Variants in TMEM209 observed in about 807,000 individuals in gnomAD.
TMEM209 encodes testicular tissue protein Li 202.
A neutral mutation model predicts 76.2 loss-of-function variants in TMEM209; 65 were observed. The ratio of observed to expected loss-of-function variants is 0.85; its 90% CI spans 0.70 to 1.05. TMEM209 has a LOEUF of 1.05. Ranked by LOEUF, TMEM209 falls within the 50% of genes least tolerant of loss-of-function variation. The pLI, the probability that TMEM209 is intolerant of heterozygous loss-of-function variation, is 0.00. For synonymous variants in TMEM209, 239 were observed against 237.6 expected, an observed-to-expected ratio of 1.01 and a Z score of -0.06; for missense variants, 623 against 685.5, an observed-to-expected ratio of 0.91 and a Z score of 1.02.
At chr7:130,194,387 G>A (rs1407403777) in intron 5 of TMEM209, among the ~76,000 whole-genome samples, 1 of 150,364 alleles carries the variant, frequency 6.7e-6, no homozygotes, top group African/African-American at 2.4e-5. Flanking sequence ...AGGCTATGGT[G>A]AGCCACGACT....
chr7:130,199,286 C>A (rs970006854), intron 5 of TMEM209, among the ~76,000 whole-genome samples: 1 of 151,858 alleles, frequency 6.6e-6, no homozygotes, highest in Non-Finnish European at 1.5e-5. Context: ...CGAGCCATCT[C>A]GGCTCACTGA....
intron 6 of TMEM209, chr7:130,192,127 G>C (rs1797817642): frequency 6.1e-6 from 1 of 163,598 alleles, no homozygotes; most frequent in South Asian, 1.6e-4. Flanking sequence ...ACCCCAAACA[G>C]ATTAAGATTT....
chr7:130,170,386 G>C lies in TMEM209; in HGVS notation c.1631+14C>G. The C allele has an allele frequency of 6.3e-7, 1 of 1,596,714 alleles. No homozygotes were observed. The highest frequency in any genetic ancestry group is 8.6e-7 in the Non-Finnish European group (1 of 1,168,676). On this transcript the variant is annotated intron_variant, in intron 14 of 14. Coordinates refer to ENST00000397622, the MANE Select transcript of TMEM209 (RefSeq NM_032842.4). ...GTAAATAACTACTTACGTTTTTAAAGCATAAGTACCTACCCAAGCATTCCT... is the reference window on the plus strand; with the variant it reads ...GTAAATAACTACTTACGTTTTTAAACCATAAGTACCTACCCAAGCATTCCT...
At chr7:130,202,775 A>G (rs1798264761) in intron 3 of TMEM209, 112 bp from the exon 4 acceptor site, 1 of 1,224,428 alleles carries the variant, frequency 8.2e-7, no homozygotes, top group Non-Finnish European at 1.1e-6. Flanking sequence ...TCCTCATAAA[A>G]ACTATAATTT....
rs1325030238 is a variant in TMEM209, at chr7:130,173,835, T to G, written c.1449A>C (p.Pro483=). ...AGGAGAGGTTTATACCTGGTTTATT[T>G]GGTGTCTGAACAAAGTGCTGAGAAG... is the stretch of plus-strand genomic sequence containing the variant. ...TFTSQHFVQT[P]NKPDVTNENV... Residue 483 remains proline, a synonymous_variant, in exon 12 of 15, where the codon CCA becomes CCC. Transcript: ENST00000397622. 1 of 1,613,392 alleles carries G rather than the reference T, an allele frequency of 6.2e-7. No homozygotes were observed. Among genetic ancestry groups the G allele is most frequent in the South Asian group, 1.1e-5 (1 of 91,078 alleles).
In TMEM209 at chr7:130,201,988, A is replaced by G. The variant is rs745939122; in HGVS notation, c.435T>C (p.Ser145=). The change falls in exon 5 of 15, where the codon TCT becomes TCC. Residue 145 remains serine, a synonymous_variant. Transcript: ENST00000397622. ...ACTTGGGACTGGTACTGGGCGAACG[A>G]GAAGGGCTATAACTCAACACACTCT... is the stretch of plus-strand genomic sequence containing the variant. The part of the protein sequence containing the change: ...QGQSVLSYSP[S]RSPSTSPKFT... 2 of 1,613,920 alleles carry G rather than the reference A, an allele frequency of 1.2e-6. No homozygotes were observed. Among genetic ancestry groups the G allele is most frequent in the East Asian group, 4.5e-5 (2 of 44,876 alleles).
rs1798242857 is a variant in TMEM209 at position 130,202,400 on chromosome 7, A to T, written c.331+132T>A. ...AGGAATGATAATCATTGGTCATAAG[A>T]CAATTTATTGTATCCTGCTTAAGAT... is the stretch of plus-strand genomic sequence containing the variant. On this transcript the variant is annotated intron_variant, in intron 4 of 14. Transcript: ENST00000397622. 3 of 1,284,494 alleles carry T rather than the reference A, an allele frequency of 2.3e-6. No individual in the cohort carries two copies. In the East Asian group the frequency reaches 7.1e-5, roughly 30 times the overall value. 79.6% of individuals were successfully genotyped at this position (1,284,494 alleles called of 1,614,324 possible).
chr7:130,201,088 CAAAAAAAAAA>C (rs869309249), intron 5 of TMEM209, among the ~76,000 whole-genome samples: 6 of 74,170 alleles, frequency 8.1e-5, no homozygotes, highest in South Asian at 6.0e-4. Context: ...GACTCTGTCT[CAAAAAAAAAA>C]AAAAAAAAAA....
Position 130,181,675 on chromosome 7 carries a change from C to T in TMEM209, c.1068G>A (p.Glu356=). The T allele has an allele frequency of 6.2e-7, 1 of 1,612,304 alleles. No individual in the cohort carries two copies. Among genetic ancestry groups the T allele is most frequent in the African/African-American group, 1.3e-5 (1 of 75,040 alleles). The change falls in exon 9 of 15, where the codon GAG becomes GAA. Residue 356 remains glutamate, a synonymous_variant. Transcript: ENST00000397622. ...TTCGTCTCATCTGTGTGCTGACAGA[C>T]TCAATCTCTTGAACAAGTGGCACTA... ...TILVPLVQEI[E]SVSTQMRRMG... is the part of the protein sequence containing the mutation.
At chr7:130,168,652 A>G (rs570572664) in intron 14 of TMEM209, among the ~76,000 whole-genome samples, 9 of 152,318 alleles carry the variant, frequency 5.9e-5, no homozygotes, top group African/African-American at 1.9e-4. Flanking sequence ...TTTGGATACA[A>G]TACATTTTTA....
chr7:130,174,540 A>G (rs1234258533), intron 11 of TMEM209, among the ~76,000 whole-genome samples: 2 of 152,218 alleles, frequency 1.3e-5, no homozygotes, highest in African/African-American at 2.4e-5. Flanking sequence ...CACAGTTAAT[A>G]GCAAAACCAA....
Position 130,166,208 on chromosome 7 carries a change from T to C in TMEM209, c.*243A>G, listed in dbSNP as rs1796878567. On this transcript the variant is annotated 3_prime_UTR_variant, in exon 15 of 15. Coordinates refer to ENST00000397622, the MANE Select transcript of TMEM209 (RefSeq NM_032842.4). ...AATAAAAATCCGAAGGGTTGCAGTT[T>C]TGTAGTCAACTGAAATTTCTGAAAA... The C allele has an allele frequency of 6.1e-6, 2 of 330,564 alleles. No individual in the cohort carries two copies. Among genetic ancestry groups the C allele is most frequent in the Admixed American group, 4.8e-5 (1 of 20,692 alleles). 20.5% of individuals were successfully genotyped at this position (330,564 alleles called of 1,614,324 possible). A position where few individuals can be genotyped will look rare whatever the true frequency, so the allele number is the denominator to read the frequency against.
At position 130,170,347 on chromosome 7, in the gene TMEM209, T is replaced by C. The variant is rs1158958855; in HGVS notation, c.1631+53A>G. The C allele has an allele frequency of 5.2e-5, 76 of 1,455,322 alleles. 1 individual carries two copies. Among genetic ancestry groups the C allele is most frequent in the South Asian group, 4.3e-4 (36 of 84,608 alleles). 90.2% of individuals were successfully genotyped at this position (1,455,322 alleles called of 1,614,324 possible). Reference sequence around the variant, plus strand: ...TGCTGCCTTCTGCAGAATCTTAACATAGGAAGAAAATCAGTAAATAACTAC... The same window carrying C: ...TGCTGCCTTCTGCAGAATCTTAACACAGGAAGAAAATCAGTAAATAACTAC... On this transcript the variant is annotated intron_variant, in intron 14 of 14. Coordinates refer to ENST00000397622, the MANE Select transcript of TMEM209 (RefSeq NM_032842.4).
chr7:130,204,572 C>A (rs1490824042), intron 1 of TMEM209, among the ~76,000 whole-genome samples: 2 of 152,178 alleles, frequency 1.3e-5, no homozygotes, highest in African/African-American at 4.8e-5. Context: ...GAACTCCTGA[C>A]CTTGTGATCC....
chr7:130,184,930 C>T (rs1489011023), intron 7 of TMEM209, among the ~76,000 whole-genome samples: 1 of 152,168 alleles, frequency 6.6e-6, no homozygotes, highest in Admixed American at 6.5e-5. Context: ...TACCTGAGAG[C>T]CTTTTTATAA....
intron 6 of TMEM209, among the ~76,000 whole-genome samples, chr7:130,188,985 C>CA (rs1468679341): frequency 6.6e-6 from 1 of 151,806 alleles, no homozygotes; most frequent in Non-Finnish European, 1.5e-5. Context: ...GAAAACAAAA[C>CA]AAAAAATCCC....
intron 10 of TMEM209, among the ~76,000 whole-genome samples, chr7:130,177,630 A>G (rs1006927308): frequency 1.3e-5 from 2 of 152,170 alleles, no homozygotes; most frequent in African/African-American, 2.4e-5. Context: ...TTCAAACAAT[A>G]CAGGAAGAAA....
intron 6 of TMEM209, among the ~76,000 whole-genome samples, chr7:130,188,474 T>G (rs1037939789): frequency 1.3e-4 from 19 of 151,530 alleles, no homozygotes; most frequent in Middle Eastern, 3.4e-3. Flanking sequence ...CAGGCACCTG[T>G]AGTCCCAGCT....
In TMEM209 at chr7:130,181,704, T is replaced by C. The variant is rs1447896264; in HGVS notation, c.1039A>G (p.Ile347Val). Reference sequence around the variant, plus strand: ...ATCTCTTGAACAAGTGGCACTAATATTGTCTCATTGATCCACTAGAAGAAA... The same window carrying C: ...ATCTCTTGAACAAGTGGCACTAATACTGTCTCATTGATCCACTAGAAGAAA... ...AKFRNWINET[I>V]LVPLVQEIES... Residue 347 changes from isoleucine to valine, a missense_variant, in exon 9 of 15, where the codon ATA (isoleucine) becomes GTA (valine). Transcript: ENST00000397622. 6.2e-6 allele frequency: 10 copies of C among 1,608,816 alleles called. No individual in the cohort carries two copies. Among genetic ancestry groups the C allele is most frequent in the Non-Finnish European group, 8.5e-6 (10 of 1,177,426 alleles).
Sources: gnomAD v4.1 joint callset for allele counts (sites outside exome capture counted in the v4.1 genomes callset) on GRCh38, gnomAD v4.1.1 for gene constraint, MANE v1.5 for transcripts, NCBI Gene and HGNC (gene_info 2026-07-23, HGNC 2026-07-21) for gene names.